The following SDK1 variants were observed in gnomAD, a reference collection of about 807,000 sequenced individuals.
SDK1 encodes sidekick cell adhesion molecule 1.
A neutral mutation model predicts 245.5 loss-of-function variants in SDK1; 157 were observed. The observed-to-expected ratio is 0.64, with a 90% CI of 0.56 to 0.73. SDK1 has a LOEUF of 0.73. Among genes scored for constraint, SDK1 ranks in the 30% least tolerant of loss-of-function variants. The probability of loss-of-function intolerance (pLI) is 0.00; values close to 1 mark genes in which losing one functional copy is unlikely to be tolerated. For synonymous variants in SDK1, 1,647 were observed against 1,278.5 expected, an observed-to-expected ratio of 1.29 and a Z score of -6.15; for missense variants, 3,583 against 3,002.3, an observed-to-expected ratio of 1.19 and a Z score of -4.52.
chr7:4,017,323 G>C lies in SDK1; in HGVS notation c.2573G>C (p.Arg858Thr). Residue 858 changes from arginine (R) to threonine (T), a missense_variant, in exon 17 of 45, where the codon AGG (arginine) becomes ACG (threonine). Coordinates refer to ENST00000404826, the MANE Select transcript of SDK1 (RefSeq NM_152744.4). ...GGGGCCGGTCTGGGCGTCTTCAGCAGGGCAGTGACCGAGTACACCTTGCAG... is the reference window on the plus strand; with the variant it reads ...GGGGCCGGTCTGGGCGTCTTCAGCACGGCAGTGACCGAGTACACCTTGCAG... The part of the protein sequence containing the change: ...YNGAGLGVFS[R>T]AVTEYTLQGV... 1 of 1,613,594 alleles carries C rather than the reference G, an allele frequency of 6.2e-7. No individual in the cohort carries two copies. The highest frequency in any genetic ancestry group is 1.3e-5 in the African/African-American group (1 of 75,026).
chr7:3,397,899 C>T (rs552518398), intron 1 of SDK1, among the ~76,000 whole-genome samples: 3 of 152,052 alleles, frequency 2.0e-5, no homozygotes, highest in Non-Finnish European at 4.4e-5. Flanking sequence ...TACATAATCT[C>T]TGCCATATAT....
intron 4 of SDK1, among the ~76,000 whole-genome samples, chr7:3,727,653 G>C (rs1319567712): frequency 6.6e-6 from 1 of 152,020 alleles, no homozygotes; most frequent in Non-Finnish European, 1.5e-5. Context: ...AGCGCGTCCG[G>C]CTAAATTTTG....
At chr7:3,957,552 T>C (rs1041466553) in intron 7 of SDK1, among the ~76,000 whole-genome samples, 3 of 152,208 alleles carry the variant, frequency 2.0e-5, no homozygotes, top group African/African-American at 7.2e-5. Flanking sequence ...ATGTATGTTT[T>C]TTTCCTTTTT....
At chr7:3,671,446 T>C (rs1009833570) in intron 4 of SDK1, among the ~76,000 whole-genome samples, 2 of 152,256 alleles carry the variant, frequency 1.3e-5, no homozygotes, top group African/African-American at 4.8e-5. Flanking sequence ...TTGTTGCTCA[T>C]TGAATGAAGC....
At chr7:3,674,965 C>G (rs1206350847) in intron 4 of SDK1, among the ~76,000 whole-genome samples, 1 of 152,086 alleles carries the variant, frequency 6.6e-6, no homozygotes, top group Non-Finnish European at 1.5e-5. Flanking sequence ...AGCATAGTGA[C>G]CTGAGGAACA....
chr7:4,162,390 A>G (rs1174954702), intron 32 of SDK1, among the ~76,000 whole-genome samples: 1 of 129,618 alleles, frequency 7.7e-6, no homozygotes, highest in Admixed American at 8.1e-5. Flanking sequence ...TATTATTATT[A>G]TTATTATTAT....
intron 23 of SDK1, among the ~76,000 whole-genome samples, chr7:4,112,828 C>A (rs1783435840): frequency 6.6e-6 from 1 of 151,976 alleles, no homozygotes; most frequent in Non-Finnish European, 1.5e-5. Context: ...CATCTCAGCT[C>A]ATGCAACCTC....
At position 4,170,043 on chromosome 7, in the gene SDK1, G is replaced by A. The variant is rs190956183; in HGVS notation, c.4801-4179G>A. ...TTGCCTCTCTTCAGTCTCACATACC[G>A]ACTTTTCCAACTTTTCCATCCATTG... On this transcript the variant is annotated intron_variant, in intron 32 of 44. Coordinates refer to ENST00000404826, the MANE Select transcript of SDK1 (RefSeq NM_152744.4). 4.6e-5 allele frequency among the ~76,000 whole-genome samples: 7 copies of A among 152,234 alleles called. No homozygotes were observed. The East Asian group carries it at 5.8e-4, about 13-fold the overall frequency.
At chr7:3,445,390 C>G (rs764458011) in intron 1 of SDK1, among the ~76,000 whole-genome samples, 2 of 152,152 alleles carry the variant, frequency 1.3e-5, no homozygotes, top group Non-Finnish European at 2.9e-5. Flanking sequence ...TTAGGTTAAA[C>G]TGTGGAAGGA....
chr7:4,268,585 G>A lies in SDK1; in HGVS notation c.*3201G>A, dbSNP rs1264450809. The A allele has an allele frequency of 8.1e-6, 11 of 1,356,964 alleles. No individual in the cohort carries two copies. The highest frequency in any genetic ancestry group is 1.2e-5 in the South Asian group (1 of 86,386). 84.1% of individuals were successfully genotyped at this position (1,356,964 alleles called of 1,614,324 possible). A position where few individuals can be genotyped will look rare whatever the true frequency, so the allele number is the denominator to read the frequency against. On this transcript the variant is annotated 3_prime_UTR_variant, in exon 45 of 45. Transcript: ENST00000404826. ...CACTCTGTACAGGTCTTCGGAGGCC[G>A]TGTTTGTATCTAACTGTGACTGGGC...
intron 19 of SDK1, among the ~76,000 whole-genome samples, chr7:4,055,766 AGTG>A (rs1779156945): frequency 6.6e-6 from 1 of 151,990 alleles, no homozygotes; most frequent in East Asian, 1.9e-4. Context: ...GTGAGCGTTT[AGTG>A]CTGTACATTT....
intron 28 of SDK1, among the ~76,000 whole-genome samples, chr7:4,134,434 C>A (rs1778912058): frequency 6.6e-6 from 1 of 152,188 alleles, no homozygotes; most frequent in Non-Finnish European, 1.5e-5. Flanking sequence ...GCCCAGCAGA[C>A]AGCTGTGGCG....
At chr7:3,995,433 T>G (rs11983307) in intron 14 of SDK1, among the ~76,000 whole-genome samples, 11,403 of 152,048 alleles carry the variant, frequency 0.075, 1,357 homozygotes, top group African/African-American at 0.26. Context: ...CCTTATCTCT[T>G]CCTCTACTTG....
chr7:3,838,627 T>G (rs55781922), intron 5 of SDK1, among the ~76,000 whole-genome samples: 9,404 of 152,130 alleles, frequency 0.062, 954 homozygotes, highest in African/African-American at 0.21. Flanking sequence ...GGGTTCCACA[T>G]AAACACTGAT....
Position 4,265,152 on chromosome 7 carries a change from T to A in SDK1, c.6410T>A (p.Leu2137Gln). Residue 2137 changes from leucine (L) to glutamine (Q), a missense_variant, in exon 45 of 45, where the codon CTG becomes CAG. Leu to Gln is a moderately radical substitution (Grantham distance 113). Coordinates refer to ENST00000404826, the MANE Select transcript of SDK1 (RefSeq NM_152744.4). ...EATDSDYEDA[L>Q]PKHSFVNHYM... ...ACGGACTCTGACTACGAGGACGCGC[T>A]GCCCAAGCACTCCTTCGTGAACCAC... 6.2e-7 allele frequency: 1 copy of A among 1,612,404 alleles called. No homozygotes were observed. Among genetic ancestry groups the A allele is most frequent in the Non-Finnish European group, 8.5e-7 (1 of 1,179,618 alleles).
intron 9 of SDK1, among the ~76,000 whole-genome samples, chr7:3,965,990 A>G (rs1337516356): frequency 6.6e-6 from 1 of 151,666 alleles, no homozygotes; most frequent in African/African-American, 2.4e-5. Flanking sequence ...GGGTGGAGGG[A>G]TAGGCAGGGG....
At position 4,265,109 on chromosome 7, in the gene SDK1, T is replaced by C. The variant is rs1479334141; in HGVS notation, c.6382-15T>C. The C allele has an allele frequency of 1.2e-6, 2 of 1,607,434 alleles. No individual in the cohort carries two copies. The highest frequency in any genetic ancestry group is 4.5e-5 in the East Asian group (2 of 44,724). ...CCCTGCCCTGCACTCACACCTTCTC[T>C]CCCGCTCCCCGCAGGCCACGGACTC... On this transcript the variant is annotated splice_polypyrimidine_tract_variant and intron_variant, in intron 44 of 44. Transcript: ENST00000404826.
intron 1 of SDK1, among the ~76,000 whole-genome samples, chr7:3,597,695 G>T (rs992561508): frequency 6.6e-6 from 1 of 152,160 alleles, no homozygotes; most frequent in South Asian, 2.1e-4. Context: ...GGGCCTAGGG[G>T]AGAGGGGCTC....
chr7:4,171,107 T>C (rs1781811353), intron 32 of SDK1, among the ~76,000 whole-genome samples: 1 of 152,156 alleles, frequency 6.6e-6, no homozygotes, highest in South Asian at 2.1e-4. Context: ...TGAGTAGTGC[T>C]GGGAACTCCT....
Sources: allele counts gnomAD v4.1 joint callset (sites outside exome capture counted in the v4.1 genomes callset), GRCh38; gene constraint gnomAD v4.1.1; transcripts MANE v1.5; gene names NCBI Gene and HGNC (gene_info 2026-07-23, HGNC 2026-07-21).